The following LIPC variants were observed in gnomAD, a reference collection of about 807,000 sequenced individuals.
LIPC encodes the protein hepatic triacylglycerol lipase.
In LIPC, 44 loss-of-function variants were observed where a neutral mutation model predicts 50.7. The observed-to-expected ratio is 0.87, with a 90% CI of 0.68 to 1.11. LIPC has a LOEUF of 1.11. Among genes scored for constraint, LIPC ranks in the 50% most tolerant of loss-of-function variants. The pLI, the probability that LIPC is intolerant of heterozygous loss-of-function variation, is 0.00. For synonymous variants in LIPC, 271 were observed against 256.4 expected (o/e 1.06, Z -0.54); for missense variants, 697 against 648.2 (o/e 1.08, Z -0.82).
chr15:58,496,136 T>C (rs1891756275), intron 1 of LIPC, among the ~76,000 whole-genome samples: 1 of 152,114 alleles, frequency 6.6e-6, no homozygotes, highest in South Asian at 2.1e-4. Context: ...ACTGGGATGG[T>C]TTCGCTCCCT....
At chr15:58,533,524 G>A (rs993505310) in intron 1 of LIPC, among the ~76,000 whole-genome samples, 3 of 152,124 alleles carry the variant, frequency 2.0e-5, no homozygotes, top group African/African-American at 7.2e-5. Context: ...TATCATCAGA[G>A]AATTGTTTGT....
At chr15:58,567,031 G>T (rs1894386436) in intron 8 of LIPC, among the ~76,000 whole-genome samples, 1 of 151,048 alleles carries the variant, frequency 6.6e-6, no homozygotes, top group Non-Finnish European at 1.5e-5. Context: ...GAACAGACAG[G>T]CTGGGCTAAA....
rs560010498 is a variant in LIPC, at chr15:58,503,146, A to C, written c.89-35187A>C. ...GACAATCTCTTAACCCTCACAATTCAGACAGTGTTGCTAATCCCATGTCAA... is the reference window on the plus strand; with the variant it reads ...GACAATCTCTTAACCCTCACAATTCCGACAGTGTTGCTAATCCCATGTCAA... On this transcript the variant is annotated intron_variant, in intron 1 of 8. Coordinates refer to ENST00000299022, the MANE Select transcript of LIPC (RefSeq NM_000236.3). 8.5e-5 allele frequency among the ~76,000 whole-genome samples: 13 copies of C among 152,342 alleles called. 1 individual carries two copies. In the South Asian group the frequency reaches 2.7e-3, roughly 32 times the overall value.
intron 1 of LIPC, among the ~76,000 whole-genome samples, chr15:58,457,972 G>C (rs533185094): frequency 6.6e-6 from 1 of 152,240 alleles, no homozygotes; most frequent in East Asian, 1.9e-4. Flanking sequence ...AGAGTGCATA[G>C]GACATACCAG....
At chr15:58,516,794 C>G (rs1892500854) in intron 1 of LIPC, among the ~76,000 whole-genome samples, 1 of 152,168 alleles carries the variant, frequency 6.6e-6, no homozygotes, top group African/African-American at 2.4e-5. Flanking sequence ...ATTTTACCAT[C>G]TATAACAATT....
At chr15:58,440,256 G>A (rs1387311521) in intron 1 of LIPC, among the ~76,000 whole-genome samples, 1 of 152,202 alleles carries the variant, frequency 6.6e-6, no homozygotes, top group African/African-American at 2.4e-5. Context: ...TGGCAGGCCT[G>A]AAAATATGAT....
intron 1 of LIPC, among the ~76,000 whole-genome samples, chr15:58,440,607 A>G (rs1893471159): frequency 6.6e-6 from 1 of 152,178 alleles, no homozygotes; most frequent in African/African-American, 2.4e-5. Context: ...CTAGCCCCTT[A>G]TGGGGTGTGT....
intron 1 of LIPC, among the ~76,000 whole-genome samples, chr15:58,441,537 C>T (rs1236501928): frequency 2.0e-5 from 3 of 152,090 alleles, no homozygotes; most frequent in Non-Finnish European, 2.9e-5. Flanking sequence ...TCACCATCCG[C>T]GGACCATGGG....
intron 1 of LIPC, among the ~76,000 whole-genome samples, chr15:58,485,505 C>A (rs1329233564): frequency 6.6e-6 from 1 of 152,148 alleles, no homozygotes; most frequent in Non-Finnish European, 1.5e-5. Flanking sequence ...GGGCTCCAGA[C>A]CCTCGCACGT....
At chr15:58,480,718 A>C (rs1284105608) in intron 1 of LIPC, among the ~76,000 whole-genome samples, 1 of 152,174 alleles carries the variant, frequency 6.6e-6, no homozygotes, top group East Asian at 1.9e-4. Context: ...AGATTTTTTC[A>C]TGATTTTCTT....
intron 7 of LIPC, among the ~76,000 whole-genome samples, chr15:58,562,621 T>C (rs1355651533): frequency 6.6e-6 from 1 of 152,180 alleles, no homozygotes. Flanking sequence ...GCCCCCAGCT[T>C]TGGATCTCTG....
chr15:58,544,567 T>C (rs1296341243), intron 4 of LIPC, among the ~76,000 whole-genome samples: 1 of 152,074 alleles, frequency 6.6e-6, no homozygotes, highest in Admixed American at 6.6e-5. Flanking sequence ...GGCTAATTTT[T>C]GTATTTTTAG....
chr15:58,436,686 AG>A (rs1404354041), intron 1 of LIPC: 2 of 456,082 alleles, frequency 4.4e-6, no homozygotes, highest in Non-Finnish European at 8.8e-6. Flanking sequence ...CAGCTAGAAC[AG>A]AACATGGCAT....
rs148586223 is a variant in LIPC, at chr15:58,533,289, G to T, written c.89-5044G>T. On this transcript the variant is annotated intron_variant, in intron 1 of 8. Coordinates refer to ENST00000299022, the MANE Select transcript of LIPC (RefSeq NM_000236.3). The stretch of plus-strand genomic sequence containing the variant: ...TTTCCTCACAGCTTATCATAGAGTG[G>T]CCAGGTTTAAATGAGTCAATACAAA... 82 of 486,314 alleles carry T rather than the reference G, an allele frequency of 1.7e-4. No homozygotes were observed. In the East Asian group the frequency reaches 7.4e-3, roughly 44 times the overall value. 30.1% of individuals were successfully genotyped at this position (486,314 alleles called of 1,614,324 possible). A position where few individuals can be genotyped will look rare whatever the true frequency, so the allele number is the denominator to read the frequency against.
At chr15:58,555,550 T>A (rs1893912607) in intron 6 of LIPC, among the ~76,000 whole-genome samples, 1 of 152,246 alleles carries the variant, frequency 6.6e-6, no homozygotes, top group Non-Finnish European at 1.5e-5. Flanking sequence ...ACTATCTGGA[T>A]AACTATAGGT....
At chr15:58,503,308 C>T (rs1426838874) in intron 1 of LIPC, among the ~76,000 whole-genome samples, 1 of 152,136 alleles carries the variant, frequency 6.6e-6, no homozygotes, top group Non-Finnish European at 1.5e-5. Flanking sequence ...CAGGATCTGT[C>T]ACTGGATTTG....
intron 6 of LIPC, among the ~76,000 whole-genome samples, chr15:58,559,516 G>A (rs1169046012): frequency 6.6e-6 from 1 of 152,178 alleles, no homozygotes; most frequent in African/African-American, 2.4e-5. Flanking sequence ...TCTCAACAGA[G>A]GGATCCAGGC....
At chr15:58,455,376 G>C (rs1392049280) in intron 1 of LIPC, among the ~76,000 whole-genome samples, 1 of 152,046 alleles carries the variant, frequency 6.6e-6, no homozygotes, top group Non-Finnish European at 1.5e-5. Flanking sequence ...AAAACACATG[G>C]TGCACCAGAT....
rs1555408068 is a variant in LIPC at position 58,567,249 on chromosome 15, G to GTA, written c.1389-1457_1389-1456dup. Among the ~76,000 whole-genome samples, 350 of 108,816 alleles carry GTA rather than the reference G, an allele frequency of 3.2e-3. 3 individuals are homozygous for GTA. The highest frequency in any genetic ancestry group is 0.01 in the African/African-American group (316 of 30,884). 71.4% of individuals were successfully genotyped at this position (108,816 alleles called of 152,430 possible). A position where few individuals can be genotyped will look rare whatever the true frequency, so the allele number is the denominator to read the frequency against. ...TATATATGTATATATGTGTGTGTGTGTATATATATATGTATATGTGTGTGT... is the reference window on the plus strand; with the variant it reads ...TATATATGTATATATGTGTGTGTGTGTATATATATATATGTATATGTGTGTGT... On this transcript the variant is annotated intron_variant, in intron 8 of 8. Coordinates refer to ENST00000299022, the MANE Select transcript of LIPC (RefSeq NM_000236.3).
Sources: gnomAD v4.1 joint callset for allele counts (sites outside exome capture counted in the v4.1 genomes callset) on GRCh38, gnomAD v4.1.1 for gene constraint, MANE v1.5 for transcripts, NCBI Gene and HGNC (gene_info 2026-07-23, HGNC 2026-07-21) for gene names.